Variants in CSMD3 observed in about 807,000 individuals in gnomAD.
CSMD3 encodes CUB and Sushi multiple domains 3.
Under a neutral mutation model 435.2 loss-of-function variants are expected in CSMD3, and 177 were observed. That is an observed-to-expected ratio of 0.41 (90% CI 0.36 to 0.46). The LOEUF (loss-of-function observed/expected upper bound fraction) is 0.46. CSMD3 is among the 20% of genes least tolerant of loss of function. The pLI is 0.34. For missense variants in CSMD3, 4,265 were observed against 4,504.6 expected (o/e 0.95, Z 1.52); for synonymous variants, 1,656 against 1,520.5 (o/e 1.09, Z -2.07).
At chr8:112,927,712 C>T (rs1383528487) in intron 9 of CSMD3, among the ~76,000 whole-genome samples, 1 of 151,908 alleles carries the variant, frequency 6.6e-6, no homozygotes, top group Non-Finnish European at 1.5e-5. Context: ...TAATGAATAC[C>T]ATGTTTTTTT....
intron 6 of CSMD3, among the ~76,000 whole-genome samples, chr8:112,986,768 C>T (rs940673290): frequency 1.3e-5 from 2 of 151,910 alleles, no homozygotes; most frequent in Admixed American, 1.3e-4. Flanking sequence ...TATACAGACA[C>T]CGTAAGTGGC....
chr8:113,427,072 C>T (rs949818785), intron 1 of CSMD3, among the ~76,000 whole-genome samples: 2 of 151,102 alleles, frequency 1.3e-5, no homozygotes, highest in Non-Finnish European at 3.0e-5. Context: ...AATAAAATTT[C>T]TGAAAATATA....
intron 6 of CSMD3, among the ~76,000 whole-genome samples, chr8:112,981,295 T>C (rs1428231447): frequency 6.6e-6 from 1 of 151,516 alleles, no homozygotes; most frequent in Non-Finnish European, 1.5e-5. Flanking sequence ...TAAAAAGAAG[T>C]TCATCTTAGT....
intron 32 of CSMD3, among the ~76,000 whole-genome samples, chr8:112,418,545 G>T (rs1586260461): frequency 6.6e-6 from 1 of 151,916 alleles, no homozygotes; most frequent in Non-Finnish European, 1.5e-5. Context: ...GATTTTAAAG[G>T]CTTTATCATT....
chr8:113,428,240 C>CTATCTATA (rs1167534453), intron 1 of CSMD3, among the ~76,000 whole-genome samples: 1 of 150,878 alleles, frequency 6.6e-6, no homozygotes, highest in Non-Finnish European at 1.5e-5. Flanking sequence ...ATCTATCTAT[C>CTATCTATA]TATCTATCTA....
chr8:113,220,863 C>T (rs1412680739), intron 3 of CSMD3, among the ~76,000 whole-genome samples: 2 of 151,310 alleles, frequency 1.3e-5, no homozygotes, highest in South Asian at 2.1e-4. Context: ...CCTTCTGATG[C>T]GGAACACTTA....
At chr8:113,436,569 T>C (rs2130146473) in intron 1 of CSMD3, 108 bp downstream of exon 1, 1 of 992,762 alleles carries the variant, frequency 1.0e-6, no homozygotes, top group Non-Finnish European at 1.6e-6. Flanking sequence ...TTTAGTATTA[T>C]CAGATTATTT....
intron 59 of CSMD3, among the ~76,000 whole-genome samples, chr8:112,266,042 C>T (rs929352468): frequency 1.3e-5 from 2 of 152,050 alleles, no homozygotes; most frequent in African/African-American, 4.8e-5. Context: ...AAGACAACCC[C>T]CAAGAAATTG....
chr8:112,740,490 C>T lies in CSMD3; in HGVS notation c.1973-50440G>A, dbSNP rs1265368318. Among the ~76,000 whole-genome samples, 4 of 151,700 alleles carry T rather than the reference C, an allele frequency of 2.6e-5. No individual in the cohort carries two copies. In the East Asian group the frequency reaches 5.8e-4, roughly 22 times the overall value. ...TAAGGTGAGTAAAATATAATTTCCA[C>T]GAGATGTGTAGTGAGGATGATACAC... On this transcript the variant is annotated intron_variant, in intron 13 of 70. Coordinates refer to ENST00000297405, the MANE Select transcript of CSMD3 (RefSeq NM_198123.2).
At chr8:112,338,324 G>A (rs1824773795) in intron 42 of CSMD3, among the ~76,000 whole-genome samples, 1 of 152,030 alleles carries the variant, frequency 6.6e-6, no homozygotes, top group East Asian at 1.9e-4. Flanking sequence ...CTATTTATTT[G>A]TTCATACTTC....
rs1280302012 is a variant in CSMD3, at chr8:113,017,967, AG to A, written c.1030+1099del. 2.1e-4 allele frequency among the ~76,000 whole-genome samples: 32 copies of A among 152,180 alleles called. 1 individual carries two copies. Among genetic ancestry groups the A allele is most frequent in the Admixed American group, 1.6e-3 (25 of 15,274 alleles). On this transcript the variant is annotated intron_variant, in intron 6 of 70. Coordinates refer to ENST00000297405, the MANE Select transcript of CSMD3 (RefSeq NM_198123.2). ...TATGATACATGTTAACACATTGCAT[AG>A]TTTTAAAAGCATATTTGCATTTATG...
At chr8:112,312,423 T>C (rs1822071173) in intron 49 of CSMD3, among the ~76,000 whole-genome samples, 1 of 151,716 alleles carries the variant, frequency 6.6e-6, no homozygotes, top group South Asian at 2.1e-4. Context: ...CCCAGCTAAG[T>C]TTTTGTATTT....
chr8:112,707,007 A>G (rs2131899780), intron 13 of CSMD3, among the ~76,000 whole-genome samples: 1 of 152,242 alleles, frequency 6.6e-6, no homozygotes, highest in Non-Finnish European at 1.5e-5. Context: ...AGTGGAATAT[A>G]GATTTTTGTC....
Position 113,262,224 on chromosome 8 carries a change from C to T in CSMD3, c.514+16368G>A, listed in dbSNP as rs536670129. 1.5e-4 allele frequency among the ~76,000 whole-genome samples: 23 copies of T among 151,888 alleles called. No homozygotes were observed. The East Asian group carries it at 1.5e-3, about 10-fold the overall frequency. ...GAAGTACAAAGATACACTATTTTTG[C>T]CCCCAAAATTTATTTACTAAAATAA... On this transcript the variant is annotated intron_variant, in intron 3 of 70. Coordinates refer to ENST00000297405, the MANE Select transcript of CSMD3 (RefSeq NM_198123.2).
chr8:113,133,476 G>A (rs1490576065), intron 4 of CSMD3, among the ~76,000 whole-genome samples: 1 of 152,060 alleles, frequency 6.6e-6, no homozygotes, highest in Non-Finnish European at 1.5e-5. Context: ...TGTGCCAGTC[G>A]GTGAGATTGT....
intron 47 of CSMD3, among the ~76,000 whole-genome samples, chr8:112,315,940 T>A (rs1335402918): frequency 6.6e-6 from 1 of 151,822 alleles, no homozygotes; most frequent in Non-Finnish European, 1.5e-5. Context: ...TGCTGGAATA[T>A]AATAAATAGA....
At chr8:113,156,327 T>C (rs2091927699) in intron 4 of CSMD3, among the ~76,000 whole-genome samples, 1 of 152,210 alleles carries the variant, frequency 6.6e-6, no homozygotes, top group African/African-American at 2.4e-5. Context: ...ACAGCAGACA[T>C]TTTTAATAGA....
chr8:112,708,530 A>G (rs574050500), intron 13 of CSMD3, among the ~76,000 whole-genome samples: 60 of 152,036 alleles, frequency 3.9e-4, no homozygotes, highest in Non-Finnish European at 5.7e-4. Context: ...GGTAACAGAC[A>G]GGATAAAACT....
chr8:112,853,048 T>G (rs1325309470), intron 11 of CSMD3, among the ~76,000 whole-genome samples: 1 of 152,180 alleles, frequency 6.6e-6, no homozygotes, highest in Non-Finnish European at 1.5e-5. Flanking sequence ...CAAATATACT[T>G]GAGACACTTA....
Sources: gnomAD v4.1 joint callset for allele counts (sites outside exome capture counted in the v4.1 genomes callset) on GRCh38, gnomAD v4.1.1 for gene constraint, MANE v1.5 for transcripts, NCBI Gene and HGNC (gene_info 2026-07-23, HGNC 2026-07-21) for gene names.